RIMS4: variants seen among roughly 807,000 people sequenced by gnomAD.
The protein encoded by RIMS4 is regulating synaptic membrane exocytosis protein 4.
RIMS4 carries 9 observed loss-of-function variants against 29.0 expected under a neutral mutation model. The observed-to-expected ratio is 0.31, with a 90% CI of 0.19 to 0.54. The LOEUF is 0.54. RIMS4 is among the 20% of genes least tolerant of loss of function. The pLI, the probability that RIMS4 is intolerant of heterozygous loss-of-function variation, is 0.94. For synonymous variants in RIMS4, 130 were observed against 152.9 expected (o/e 0.85, Z 1.10); for missense variants, 193 against 365.7 (o/e 0.53, Z 3.85).
intron 1 of RIMS4, among the ~76,000 whole-genome samples, chr20:44,783,288 T>C (rs936607116): frequency 6.6e-6 from 1 of 152,106 alleles, no homozygotes; most frequent in African/African-American, 2.4e-5. Flanking sequence ...GAACAAACTG[T>C]GGTATATCCA....
chr20:44,791,921 T>G (rs2066234371), intron 1 of RIMS4, among the ~76,000 whole-genome samples: 1 of 152,186 alleles, frequency 6.6e-6, no homozygotes, highest in Admixed American at 6.5e-5. Context: ...CACTTCCTAA[T>G]GTACCTGCTT....
At chr20:44,768,906 A>G (rs1374570000) in intron 2 of RIMS4, among the ~76,000 whole-genome samples, 2 of 152,238 alleles carry the variant, frequency 1.3e-5, no homozygotes, top group Non-Finnish European at 2.9e-5. Flanking sequence ...ACAACAAACA[A>G]TAATAGCTAA....
chr20:44,774,924 C>A (rs1442566509), intron 1 of RIMS4, among the ~76,000 whole-genome samples: 1 of 152,118 alleles, frequency 6.6e-6, no homozygotes, highest in Admixed American at 6.5e-5. Context: ...GGAGAACAGC[C>A]TCTGGCCACC....
At chr20:44,785,321 C>T (rs1601035244) in intron 1 of RIMS4, among the ~76,000 whole-genome samples, 1 of 152,076 alleles carries the variant, frequency 6.6e-6, no homozygotes, top group Non-Finnish European at 1.5e-5. Flanking sequence ...CTTGACTTCC[C>T]AGGCTCAAGT....
intron 1 of RIMS4, among the ~76,000 whole-genome samples, chr20:44,806,753 T>C (rs907433244): frequency 1.3e-5 from 2 of 152,306 alleles, no homozygotes; most frequent in Middle Eastern, 3.4e-3. Context: ...GCATAGATGC[T>C]TAAGTCAGAT....
At chr20:44,763,374 G>A (rs1052254762) in intron 2 of RIMS4, among the ~76,000 whole-genome samples, 14 of 152,234 alleles carry the variant, frequency 9.2e-5, no homozygotes, top group Non-Finnish European at 2.1e-4. Context: ...CCTGCTGAGT[G>A]AATCAAAGGG....
chr20:44,767,773 G>A (rs1188053855), intron 2 of RIMS4, among the ~76,000 whole-genome samples: 1 of 152,170 alleles, frequency 6.6e-6, no homozygotes, highest in African/African-American at 2.4e-5. Context: ...AATTAAATGA[G>A]TCAATATAAG....
intron 1 of RIMS4, among the ~76,000 whole-genome samples, chr20:44,785,750 CTTTT>C (rs969567189): frequency 5.7e-5 from 7 of 122,948 alleles, no homozygotes; most frequent in Non-Finnish European, 7.1e-5. Context: ...CATAGGTTTT[CTTTT>C]TTTTTTTTTT....
chr20:44,783,441 G>A (rs1300162880), intron 1 of RIMS4, among the ~76,000 whole-genome samples: 1 of 152,120 alleles, frequency 6.6e-6, no homozygotes, highest in Non-Finnish European at 1.5e-5. Flanking sequence ...TGACCAATAT[G>A]GTGAAACACT....
At chr20:44,793,547 T>C (rs2145473277) in intron 1 of RIMS4, among the ~76,000 whole-genome samples, 1 of 152,218 alleles carries the variant, frequency 6.6e-6, no homozygotes, top group South Asian at 2.1e-4. Context: ...GATGGATGCA[T>C]CCATCCTCAG....
At chr20:44,795,758 C>T (rs546939488) in intron 1 of RIMS4, among the ~76,000 whole-genome samples, 1 of 152,124 alleles carries the variant, frequency 6.6e-6, no homozygotes, top group South Asian at 2.1e-4. Flanking sequence ...TTATCTGTAT[C>T]GGCCTTTTAC....
chr20:44,803,976 A>G (rs1197022679), intron 1 of RIMS4, among the ~76,000 whole-genome samples: 2 of 152,244 alleles, frequency 1.3e-5, no homozygotes, highest in Non-Finnish European at 2.9e-5. Flanking sequence ...CTGTTCTGAC[A>G]GCACAAGCAC....
At chr20:44,799,072 G>A (rs1674688414) in intron 1 of RIMS4, among the ~76,000 whole-genome samples, 1 of 152,234 alleles carries the variant, frequency 6.6e-6, no homozygotes, top group Admixed American at 6.5e-5. Context: ...GGAGGCTGAG[G>A]TGGGCAGATC....
chr20:44,787,380 A>G (rs2066213500), intron 1 of RIMS4, among the ~76,000 whole-genome samples: 1 of 152,224 alleles, frequency 6.6e-6, no homozygotes, highest in Admixed American at 6.5e-5. Context: ...GACAGGTGCT[A>G]TGCTACTCAA....
At position 44,770,814 on chromosome 20, in the gene RIMS4, AAAT is replaced by A. The variant is rs530738784; in HGVS notation, c.236+458_236+460del. Among the ~76,000 whole-genome samples the A allele has an allele frequency of 1.2e-4, 19 of 152,360 alleles. 1 individual carries two copies. The South Asian group carries it at 3.3e-3, about 27-fold the overall frequency. On this transcript the variant is annotated intron_variant, in intron 2 of 5. Transcript: ENST00000372851. ...TTAGGAAACTAAAAAAGTAAAGAGG[AAAT>A]AATGATGATAATAAAACCCCTTTCT... is the stretch of plus-strand genomic sequence containing the variant.
At chr20:44,764,164 AT>A (rs2066101121) in intron 2 of RIMS4, among the ~76,000 whole-genome samples, 1 of 132,878 alleles carries the variant, frequency 7.5e-6, no homozygotes, top group Non-Finnish European at 1.7e-5. Context: ...CCATCCATCC[AT>A]CCATCCATCC....
intron 1 of RIMS4, among the ~76,000 whole-genome samples, chr20:44,804,614 G>C (rs1004964053): frequency 1.6e-4 from 25 of 152,154 alleles, no homozygotes; most frequent in Non-Finnish European, 1.0e-4. Flanking sequence ...GAGGGTGAAG[G>C]CTTCCTTCCA....
At chr20:44,764,164 A>G in intron 2 of RIMS4, among the ~76,000 whole-genome samples, 1 of 132,878 alleles carries the variant, frequency 7.5e-6, no homozygotes, top group African/African-American at 2.7e-5. Context: ...CCATCCATCC[A>G]TCCATCCATC....
chr20:44,781,834 A>G (rs905593339), intron 1 of RIMS4, among the ~76,000 whole-genome samples: 1 of 152,202 alleles, frequency 6.6e-6, no homozygotes, highest in African/African-American at 2.4e-5. Flanking sequence ...GGCAAAAGGT[A>G]GAGTCTATGG....
Sources: gnomAD v4.1 joint callset for allele counts (sites outside exome capture counted in the v4.1 genomes callset) on GRCh38, gnomAD v4.1.1 for gene constraint, MANE v1.5 for transcripts, NCBI Gene and HGNC (gene_info 2026-07-23, HGNC 2026-07-21) for gene names.